SGCZ: variants seen among roughly 807,000 people sequenced by gnomAD.
SGCZ encodes sarcoglycan zeta.
SGCZ carries 40 observed loss-of-function variants against 41.3 expected under a neutral mutation model. The observed-to-expected ratio is 0.97, with a 90% CI of 0.75 to 1.26. The LOEUF is 1.26. Ranked by LOEUF, SGCZ falls within the 50% of genes most tolerant of loss-of-function variation. The pLI is 0.00. For synonymous variants in SGCZ, 206 were observed against 137.5 expected, an observed-to-expected ratio of 1.50 and a Z score of -3.49; for missense variants, 552 against 369.8, an observed-to-expected ratio of 1.49 and a Z score of -4.04.
intron 1 of SGCZ, among the ~76,000 whole-genome samples, chr8:14,873,088 T>C (rs1180528687): frequency 6.6e-6 from 1 of 152,150 alleles, no homozygotes; most frequent in Non-Finnish European, 1.5e-5. Context: ...ATAGAAACGA[T>C]TTTAATAACA....
intron 1 of SGCZ, among the ~76,000 whole-genome samples, chr8:14,917,024 A>T (rs1457136474): frequency 1.3e-5 from 2 of 152,104 alleles, no homozygotes; most frequent in East Asian, 3.9e-4. Flanking sequence ...GGAAATAGAA[A>T]CAGTCACAGC....
chr8:15,002,070 C>G (rs1417388065), intron 1 of SGCZ, among the ~76,000 whole-genome samples: 1 of 151,978 alleles, frequency 6.6e-6, no homozygotes, highest in African/African-American at 2.4e-5. Context: ...CATAGAGTTG[C>G]CGTGAAAATG....
chr8:14,401,183 T>G lies in SGCZ; in HGVS notation c.235-76979A>C, dbSNP rs529652098. Among the ~76,000 whole-genome samples the G allele has an allele frequency of 3.3e-5, 5 of 152,302 alleles. No individual in the cohort carries two copies. In the East Asian group the frequency reaches 5.8e-4, roughly 18 times the overall value. ...AACTAATGCAACAGCATGTACAATTTCTTACCTTTCTTTGCATTATGCATA... is the reference window on the plus strand; with the variant it reads ...AACTAATGCAACAGCATGTACAATTGCTTACCTTTCTTTGCATTATGCATA... On this transcript the variant is annotated intron_variant, in intron 2 of 7. Coordinates refer to ENST00000382080, the MANE Select transcript of SGCZ (RefSeq NM_139167.4).
chr8:14,690,039 T>C (rs1808748929), intron 1 of SGCZ, among the ~76,000 whole-genome samples: 1 of 151,890 alleles, frequency 6.6e-6, no homozygotes, highest in African/African-American at 2.4e-5. Context: ...AGGAAGATTT[T>C]AGAATACAAA....
chr8:14,307,732 ATC>A (rs1201975653), intron 3 of SGCZ, among the ~76,000 whole-genome samples: 1 of 152,080 alleles, frequency 6.6e-6, no homozygotes, highest in Admixed American at 6.6e-5. Flanking sequence ...GATTTTTTTC[ATC>A]TTTTTTAATA....
At chr8:14,219,984 G>A (rs756731202) in intron 4 of SGCZ, among the ~76,000 whole-genome samples, 21 of 152,178 alleles carry the variant, frequency 1.4e-4, no homozygotes, top group African/African-American at 4.8e-4. Context: ...ACAAAAATGT[G>A]TTGATTGTAA....
intron 3 of SGCZ, among the ~76,000 whole-genome samples, chr8:14,269,211 C>A (rs1585302477): frequency 6.6e-6 from 1 of 152,096 alleles, no homozygotes; most frequent in East Asian, 1.9e-4. Flanking sequence ...CACTTTCACA[C>A]CTCAAATATT....
chr8:14,767,743 T>C (rs1800087008), intron 1 of SGCZ, among the ~76,000 whole-genome samples: 1 of 152,184 alleles, frequency 6.6e-6, no homozygotes, highest in African/African-American at 2.4e-5. Context: ...CTTACTACCA[T>C]AGGCTATTTC....
intron 3 of SGCZ, among the ~76,000 whole-genome samples, chr8:14,246,427 G>A (rs896920207): frequency 6.6e-6 from 1 of 151,444 alleles, no homozygotes; most frequent in Non-Finnish European, 1.5e-5. Context: ...AAGGGAACAT[G>A]ACACTCTGGG....
chr8:14,800,460 C>T (rs1801286294), intron 1 of SGCZ, among the ~76,000 whole-genome samples: 1 of 152,134 alleles, frequency 6.6e-6, no homozygotes, highest in Admixed American at 6.6e-5. Flanking sequence ...TCATTAGCTA[C>T]TTGATATGGT....
chr8:14,416,379 C>T (rs3887199), intron 2 of SGCZ, among the ~76,000 whole-genome samples: 103,562 of 151,648 alleles, frequency 0.68, 35,469 homozygotes, highest in East Asian at 0.83. Flanking sequence ...ATATTTTTAA[C>T]AAATGATCTT....
intron 4 of SGCZ, among the ~76,000 whole-genome samples, chr8:14,233,385 T>C (rs2117155490): frequency 6.6e-6 from 1 of 151,654 alleles, no homozygotes; most frequent in Admixed American, 6.6e-5. Context: ...CTTATAAATG[T>C]AGTTTAAAAA....
Position 14,754,849 on chromosome 8 carries a change from G to C in SGCZ, c.40-199923C>G, listed in dbSNP as rs1176152954. Among the ~76,000 whole-genome samples, 3 of 152,110 alleles carry C rather than the reference G, an allele frequency of 2.0e-5. No homozygotes were observed. In the East Asian group the frequency reaches 5.8e-4, roughly 29 times the overall value. ...AGGTGGGACTGAAGGCAAGTCCCAA[G>C]TAGCTGGGACTATAGGTGTGCACCA... On this transcript the variant is annotated intron_variant, in intron 1 of 7. Transcript: ENST00000382080.
intron 1 of SGCZ, among the ~76,000 whole-genome samples, chr8:15,107,468 A>C (rs757093716): frequency 6.6e-6 from 1 of 152,144 alleles, no homozygotes; most frequent in Non-Finnish European, 1.5e-5. Flanking sequence ...CCTGTTAAAA[A>C]TAACCTGGCT....
At chr8:14,814,687 T>C (rs1282796639) in intron 1 of SGCZ, among the ~76,000 whole-genome samples, 1 of 152,188 alleles carries the variant, frequency 6.6e-6, no homozygotes, top group Non-Finnish European at 1.5e-5. Flanking sequence ...GGTAGGAACT[T>C]GGAGAATTTT....
At chr8:14,772,016 G>A (rs1800256826) in intron 1 of SGCZ, among the ~76,000 whole-genome samples, 1 of 152,144 alleles carries the variant, frequency 6.6e-6, no homozygotes, top group East Asian at 1.9e-4. Flanking sequence ...TTACAATGGG[G>A]TGAAAGTGAT....
At chr8:14,392,841 CAT>C (rs1293531218) in intron 2 of SGCZ, among the ~76,000 whole-genome samples, 1 of 152,092 alleles carries the variant, frequency 6.6e-6, no homozygotes, top group Non-Finnish European at 1.5e-5. Context: ...GAGATTTGCA[CAT>C]GAGCTGTAGT....
At chr8:14,478,689 G>A (rs1563355844) in intron 2 of SGCZ, among the ~76,000 whole-genome samples, 1 of 152,142 alleles carries the variant, frequency 6.6e-6, no homozygotes, top group African/African-American at 2.4e-5. Flanking sequence ...ATTTGTTTCA[G>A]CTTAAATTCA....
At chr8:14,173,296 A>G (rs1804445388) in intron 4 of SGCZ, among the ~76,000 whole-genome samples, 1 of 152,200 alleles carries the variant, frequency 6.6e-6, no homozygotes, top group South Asian at 2.1e-4. Context: ...TTTGCTCCAT[A>G]TGCTAGAGTT....
Sources: gnomAD v4.1 joint callset for allele counts (sites outside exome capture counted in the v4.1 genomes callset) on GRCh38, gnomAD v4.1.1 for gene constraint, MANE v1.5 for transcripts, NCBI Gene and HGNC (gene_info 2026-07-23, HGNC 2026-07-21) for gene names.